Variants in CTBS observed in about 807,000 individuals in gnomAD.
CTBS encodes the protein di-N-acetylchitobiase.
In CTBS, 35 loss-of-function variants were observed where a neutral mutation model predicts 44.3. The ratio of observed to expected loss-of-function variants is 0.79; its 90% CI spans 0.60 to 1.05. The LOEUF is 1.05. Among genes scored for constraint, CTBS ranks in the 50% least tolerant of loss-of-function variants. CTBS has a pLI of 0.00. For missense variants in CTBS, 458 were observed against 475.3 expected, an observed-to-expected ratio of 0.96 and a Z score of 0.34; for synonymous variants, 143 against 168.0, an observed-to-expected ratio of 0.85 and a Z score of 1.15.
rs769050168 is a variant in CTBS, at chr1:84,550,404, CTAAA to C, written c.*4591_*4594del. On this transcript the variant is annotated 3_prime_UTR_variant, in exon 7 of 7. Coordinates refer to ENST00000370630, the MANE Select transcript of CTBS (RefSeq NM_004388.3). Reference sequence around the variant, plus strand: ...AAAATAAAAATGTTTATATGTTATACTAAATAAATATCTATCTATCCACACAGAA... The same window carrying C: ...AAAATAAAAATGTTTATATGTTATACTAAATATCTATCTATCCACACAGAA... The C allele has an allele frequency of 8.3e-7, 1 of 1,208,780 alleles. No individual in the cohort carries two copies. Among genetic ancestry groups the C allele is most frequent in the South Asian group, 1.8e-5 (1 of 56,564 alleles). 74.9% of individuals were successfully genotyped at this position (1,208,780 alleles called of 1,614,324 possible).
chr1:84,550,702 C>T lies in CTBS; in HGVS notation c.*4297G>A. The T allele has an allele frequency of 1.7e-6, 2 of 1,187,834 alleles. No individual in the cohort carries two copies. Among genetic ancestry groups the T allele is most frequent in the Non-Finnish European group, 2.1e-6 (2 of 952,332 alleles). 73.6% of individuals were successfully genotyped at this position (1,187,834 alleles called of 1,614,324 possible). ...GAAAAAAAAAATGCAGGAAGAAAAA[C>T]TAAACCTGTGAAAAGATACATGATA... On this transcript the variant is annotated 3_prime_UTR_variant, in exon 7 of 7. Transcript: ENST00000370630.
At chr1:84,566,905 C>T (rs957357348) in intron 3 of CTBS, among the ~76,000 whole-genome samples, 1 of 152,232 alleles carries the variant, frequency 6.6e-6, no homozygotes, top group East Asian at 1.9e-4. Context: ...AAAGTGCTTA[C>T]AGGCGTGAGC....
rs546378492 is a variant in CTBS at position 84,551,471 on chromosome 1, C to T, written c.*3528G>A. 1 of 187,792 alleles carries T rather than the reference C, an allele frequency of 5.3e-6. No individual in the cohort carries two copies. The highest frequency in any genetic ancestry group is 2.4e-5 in the African/African-American group (1 of 42,104). The allele number at this position is 187,792 out of a possible 1,614,324, so 11.6% of individuals were successfully genotyped here. On this transcript the variant is annotated 3_prime_UTR_variant, in exon 7 of 7. Coordinates refer to ENST00000370630, the MANE Select transcript of CTBS (RefSeq NM_004388.3). ...TATGCCTGCACTGTCAGATTGGTAC[C>T]CACTAGCCACCTATTGATATTGAGC...
At position 84,563,272 on chromosome 1, in the gene CTBS, A is replaced by C. The variant is rs1300310734; in HGVS notation, c.942T>G (p.Pro314=). 2 of 1,552,924 alleles carry C rather than the reference A, an allele frequency of 1.3e-6. No homozygotes were observed. The highest frequency in any genetic ancestry group is 4.1e-5 in the Admixed American group (2 of 49,340). ...AAAGTCTTACTTTATAGTTATAATAAGGAGCCCGCTGATCTTTATCCCATA... is the reference window on the plus strand; with the variant it reads ...AAAGTCTTACTTTATAGTTATAATACGGAGCCCGCTGATCTTTATCCCATA... ...GNLWDKDQRA[P]YYNYKDPAGH... The change falls in exon 6 of 7, where the codon CCT becomes CCG. Residue 314 remains proline, a synonymous_variant. Transcript: ENST00000370630.
chr1:84,569,642 G>GC (rs987470088), intron 3 of CTBS, among the ~76,000 whole-genome samples: 29 of 152,132 alleles, frequency 1.9e-4, no homozygotes, highest in Non-Finnish European at 8.8e-5. Flanking sequence ...CTGGTTAGGC[G>GC]CCCCCCTTGA....
At position 84,550,462 on chromosome 1, in the gene CTBS, C is replaced by A; in HGVS notation, c.*4537G>T. On this transcript the variant is annotated 3_prime_UTR_variant, in exon 7 of 7. Coordinates refer to ENST00000370630, the MANE Select transcript of CTBS (RefSeq NM_004388.3). Reference sequence around the variant, plus strand: ...CCTAATAATCCAGATCACTGAGGTACAGCATGCAATTGACCAGCTTAAGAG... The same window carrying A: ...CCTAATAATCCAGATCACTGAGGTAAAGCATGCAATTGACCAGCTTAAGAG... The A allele has an allele frequency of 6.4e-7, 1 of 1,562,948 alleles. No homozygotes were observed. The highest frequency in any genetic ancestry group is 8.7e-7 in the Non-Finnish European group (1 of 1,152,856).
rs370151855 is a variant in CTBS at position 84,563,088 on chromosome 1, C to A, written c.957+169G>T. 7.9e-4 allele frequency among the ~76,000 whole-genome samples: 121 copies of A among 152,292 alleles called. 1 individual carries two copies. The highest frequency in any genetic ancestry group is 2.7e-3 in the African/African-American group (112 of 41,556). The stretch of plus-strand genomic sequence containing the variant: ...AAAACTCCAATTGCTCGCCAGGGAA[C>A]TAAAGTTCCTGATTACAGATTCAAA... On this transcript the variant is annotated intron_variant, in intron 6 of 6. Coordinates refer to ENST00000370630, the MANE Select transcript of CTBS (RefSeq NM_004388.3).
rs1265929670 is a variant in CTBS, at chr1:84,550,949, A to C, written c.*4050T>G. 1.0e-6 allele frequency: 1 copy of C among 978,942 alleles called. No individual in the cohort carries two copies. Among genetic ancestry groups the C allele is most frequent in the Non-Finnish European group, 1.2e-6 (1 of 824,180 alleles). The allele number at this position is 978,942 out of a possible 1,614,324, so 60.6% of individuals were successfully genotyped here. ...ATTTTCATATGTATTCTATTATTTA[A>C]ATATGAATAATGTGTCTTCTACTAG... On this transcript the variant is annotated 3_prime_UTR_variant, in exon 7 of 7. Transcript: ENST00000370630.
At chr1:84,568,209 T>C (rs1425621968) in intron 3 of CTBS, among the ~76,000 whole-genome samples, 1 of 152,256 alleles carries the variant, frequency 6.6e-6, no homozygotes, top group African/African-American at 2.4e-5. Context: ...TCCTCTCTGC[T>C]CTTTCACTAC....
At chr1:84,574,029 TACA>T in intron 1 of CTBS, 1 of 1,413,510 alleles carries the variant, frequency 7.1e-7, no homozygotes, top group Non-Finnish European at 9.3e-7. Flanking sequence ...CGCAGGCACT[TACA>T]GGCTGTGAGG....
chr1:84,559,756 G>A (rs980340427), intron 6 of CTBS, among the ~76,000 whole-genome samples: 17 of 152,156 alleles, frequency 1.1e-4, no homozygotes, highest in Non-Finnish European at 2.5e-4. Flanking sequence ...TGGCCTTCAA[G>A]GCTCACCAAA....
At chr1:84,572,280 G>A (rs1647333157) in intron 1 of CTBS, among the ~76,000 whole-genome samples, 1 of 151,824 alleles carries the variant, frequency 6.6e-6, no homozygotes, top group African/African-American at 2.4e-5. Context: ...TTTCTGCTAA[G>A]CAATTGCCTA....
intron 6 of CTBS, 91 bp downstream of exon 6, chr1:84,563,166 C>T (rs1176794734): frequency 2.2e-6 from 2 of 910,156 alleles, no homozygotes; most frequent in South Asian, 3.1e-5. Flanking sequence ...TAAAAGAAAA[C>T]TGATAGAAAT....
At position 84,552,975 on chromosome 1, in the gene CTBS, A is replaced by G. The variant is rs967641083; in HGVS notation, c.*2024T>C. 8.9e-6 allele frequency: 10 copies of G among 1,122,746 alleles called. No homozygotes were observed. The African/African-American group carries it at 1.1e-4, about 13-fold the overall frequency. The allele number at this position is 1,122,746 out of a possible 1,614,324, so 69.5% of individuals were successfully genotyped here. ...CAAAAACCCTGTTTACATGACAACTATGATGTACTTTTAGAAGGGTATGAT... is the reference window on the plus strand; with the variant it reads ...CAAAAACCCTGTTTACATGACAACTGTGATGTACTTTTAGAAGGGTATGAT... On this transcript the variant is annotated 3_prime_UTR_variant, in exon 7 of 7. Transcript: ENST00000370630.
At position 84,555,211 on chromosome 1, in the gene CTBS, A is replaced by C. The variant is rs756570083; in HGVS notation, c.958-12T>G. ...TGGCCAGCAGGATCCTATATAAATA[A>C]ATTAAAATGGAGATTTTAAAGTATT... On this transcript the variant is annotated splice_polypyrimidine_tract_variant and intron_variant, in intron 6 of 6. Transcript: ENST00000370630. 2 of 1,584,840 alleles carry C rather than the reference A, an allele frequency of 1.3e-6. No homozygotes were observed. The highest frequency in any genetic ancestry group is 1.7e-6 in the Non-Finnish European group (2 of 1,159,166).
At chr1:84,571,095 T>TA (rs1647288957) in intron 1 of CTBS, among the ~76,000 whole-genome samples, 2 of 152,274 alleles carry the variant, frequency 1.3e-5, no homozygotes, top group Admixed American at 1.3e-4. Context: ...GAGAAGTTAG[T>TA]ACTACCTTGT....
intron 5 of CTBS, among the ~76,000 whole-genome samples, 154 bp downstream of exon 5, chr1:84,563,581 G>T (rs1684634137): frequency 6.6e-6 from 1 of 151,904 alleles, no homozygotes; most frequent in African/African-American, 2.4e-5. Flanking sequence ...GAAAATGTAT[G>T]ATAATCATAA....
intron 6 of CTBS, among the ~76,000 whole-genome samples, chr1:84,555,575 CT>C (rs1427457228): frequency 6.6e-6 from 1 of 152,204 alleles, no homozygotes; most frequent in African/African-American, 2.4e-5. Context: ...GCTTATGGCA[CT>C]TTTAACAATG....
chr1:84,564,694 G>T (rs1558628688), intron 4 of CTBS, among the ~76,000 whole-genome samples: 1 of 152,046 alleles, frequency 6.6e-6, no homozygotes, highest in Non-Finnish European at 1.5e-5. Flanking sequence ...CACAGTTTGG[G>T]AACCCTCAAT....
Sources: allele counts gnomAD v4.1 joint callset (sites outside exome capture counted in the v4.1 genomes callset), GRCh38; gene constraint gnomAD v4.1.1; transcripts MANE v1.5; gene names NCBI Gene and HGNC (gene_info 2026-07-23, HGNC 2026-07-21).